KCNN3: variants seen among roughly 807,000 people sequenced by gnomAD.
KCNN3 encodes the protein small conductance calcium-activated potassium channel protein 3.
Under a neutral mutation model 62.9 loss-of-function variants are expected in KCNN3, and 16 were observed. That is an observed-to-expected ratio of 0.25 (90% CI 0.17 to 0.39). The LOEUF is 0.39. KCNN3 is among the 10% of genes least tolerant of loss of function. KCNN3 has a pLI of 1.00. For synonymous variants in KCNN3, 370 were observed against 389.2 expected, an observed-to-expected ratio of 0.95 and a Z score of 0.58; for missense variants, 599 against 949.4, an observed-to-expected ratio of 0.63 and a Z score of 4.85.
At chr1:154,739,731 G>A (rs1366881644) in intron 3 of KCNN3, among the ~76,000 whole-genome samples, 2 of 152,220 alleles carry the variant, frequency 1.3e-5, no homozygotes, top group Non-Finnish European at 2.9e-5. Context: ...CTTCTGTCTT[G>A]GGTGATCTCT....
intron 3 of KCNN3, among the ~76,000 whole-genome samples, chr1:154,743,570 G>A (rs1181116442): frequency 1.3e-5 from 2 of 152,174 alleles, no homozygotes; most frequent in Non-Finnish European, 2.9e-5. Flanking sequence ...ACTTACAATG[G>A]TGCCACTTTA....
intron 1 of KCNN3, chr1:154,868,266 C>A: frequency 1.0e-6 from 1 of 985,610 alleles, no homozygotes; most frequent in African/African-American, 1.7e-5. Flanking sequence ...ACACCTGTAG[C>A]CATTTTTATC....
In KCNN3 at chr1:154,708,050, G is replaced by C. The variant is rs967553480; in HGVS notation, c.2122C>G (p.Pro708Ala). The change falls in exon 8 of 8, where the codon CCA (proline) becomes GCA (alanine). Residue 708 changes from proline to alanine, a missense_variant. By Grantham distance (27) the Pro-to-Ala change is conservative. Transcript: ENST00000271915. ...VSVAVGTTHT[P>A]ISDSPIGVSS... ...ACCCCAATGGGGCTATCGGAGATTGGGGTGTGGGTGGTGCCCACTGCCACG... is the reference window on the plus strand; with the variant it reads ...ACCCCAATGGGGCTATCGGAGATTGCGGTGTGGGTGGTGCCCACTGCCACG... 1.2e-6 allele frequency: 2 copies of C among 1,613,350 alleles called. No individual in the cohort carries two copies. Among genetic ancestry groups the C allele is most frequent in the Admixed American group, 3.3e-5 (2 of 59,996 alleles).
intron 3 of KCNN3, among the ~76,000 whole-genome samples, chr1:154,733,627 G>A (rs534977268): frequency 3.9e-5 from 6 of 152,268 alleles, no homozygotes; most frequent in South Asian, 2.1e-4. Context: ...GGCATCTCCC[G>A]GGGGTCTGGA....
intron 2 of KCNN3, among the ~76,000 whole-genome samples, chr1:154,783,472 G>A (rs549050610): frequency 1.3e-5 from 2 of 148,304 alleles, no homozygotes; most frequent in Admixed American, 1.4e-4. Context: ...TCCTCTTCCC[G>A]CCAGTGAACA....
At chr1:154,708,340 G>T in intron 7 of KCNN3, 68 bp from the exon 8 acceptor site, 1 of 1,482,666 alleles carries the variant, frequency 6.7e-7, no homozygotes, top group Non-Finnish European at 9.4e-7. Flanking sequence ...TGCAATGGGA[G>T]AAATGAAACG....
At chr1:154,820,044 G>A (rs1228293429) in intron 2 of KCNN3, among the ~76,000 whole-genome samples, 4 of 152,340 alleles carry the variant, frequency 2.6e-5, no homozygotes, top group African/African-American at 7.2e-5. Flanking sequence ...AATTGTGTCA[G>A]GCCAAAATGA....
intron 7 of KCNN3, 63 bp from the exon 8 acceptor site, chr1:154,708,335 TG>T: frequency 6.5e-7 from 1 of 1,542,584 alleles, no homozygotes; most frequent in Non-Finnish European, 8.9e-7. Context: ...GAATCTGCAA[TG>T]GGAGAAATGA....
chr1:154,783,015 A>T (rs1003298289), intron 2 of KCNN3, among the ~76,000 whole-genome samples: 11 of 152,310 alleles, frequency 7.2e-5, no homozygotes, highest in Admixed American at 6.5e-5. Flanking sequence ...GATTGAGAAC[A>T]TCCTGGCTAA....
intron 7 of KCNN3, among the ~76,000 whole-genome samples, chr1:154,711,464 G>A (rs1700073735): frequency 6.6e-6 from 1 of 150,802 alleles, no homozygotes; most frequent in African/African-American, 2.4e-5. Flanking sequence ...TGCACATTGT[G>A]CACATGTACC....
intron 6 of KCNN3, among the ~76,000 whole-genome samples, chr1:154,714,332 G>GT (rs1700169297): frequency 1.7e-5 from 1 of 60,118 alleles, no homozygotes; most frequent in African/African-American, 6.7e-5. Context: ...GTGTGTGTGT[G>GT]GTGTTTGTGT....
At chr1:154,792,033 G>T (rs1237609818) in intron 2 of KCNN3, among the ~76,000 whole-genome samples, 4 of 152,218 alleles carry the variant, frequency 2.6e-5, no homozygotes, top group South Asian at 4.1e-4. Context: ...CAGGTGACAC[G>T]TGTTTTATGA....
At chr1:154,776,406 C>G (rs1194352520) in intron 2 of KCNN3, among the ~76,000 whole-genome samples, 1 of 151,556 alleles carries the variant, frequency 6.6e-6, no homozygotes, top group Non-Finnish European at 1.5e-5. Flanking sequence ...CACTCGTAAA[C>G]AGTGTGTGTA....
intron 2 of KCNN3, among the ~76,000 whole-genome samples, chr1:154,784,639 T>C (rs1298362520): frequency 1.3e-5 from 2 of 152,150 alleles, no homozygotes; most frequent in Non-Finnish European, 2.9e-5. Context: ...TGGAGAAGGA[T>C]GGCCAGACAG....
At chr1:154,775,433 C>G (rs1180386054) in intron 2 of KCNN3, among the ~76,000 whole-genome samples, 2 of 152,100 alleles carry the variant, frequency 1.3e-5, no homozygotes, top group Non-Finnish European at 2.9e-5. Context: ...CTCCCTGCTC[C>G]GTACCCTTAC....
At chr1:154,722,182 G>A (rs1157011523) in intron 5 of KCNN3, among the ~76,000 whole-genome samples, 1 of 152,128 alleles carries the variant, frequency 6.6e-6, no homozygotes, top group Non-Finnish European at 1.5e-5. Context: ...TATTTTCTAT[G>A]ATTAATAGCT....
intron 1 of KCNN3, chr1:154,859,653 T>C (rs565406538): frequency 8.3e-5 from 133 of 1,593,180 alleles, no homozygotes; most frequent in Non-Finnish European, 1.1e-4. Context: ...GTCATCTGCT[T>C]CCTCCTCCCT....
At chr1:154,708,984 CT>C (rs1700021248) in intron 7 of KCNN3, among the ~76,000 whole-genome samples, 1 of 152,118 alleles carries the variant, frequency 6.6e-6, no homozygotes, top group Non-Finnish European at 1.5e-5. Flanking sequence ...GGGCTGAGGT[CT>C]TTGTTGACTG....
chr1:154,828,534 T>A (rs1651239108), intron 1 of KCNN3, among the ~76,000 whole-genome samples: 1 of 152,182 alleles, frequency 6.6e-6, no homozygotes. Context: ...ACATAGGATT[T>A]GAAACCAAAA....
Sources: gnomAD v4.1 joint callset for allele counts (sites outside exome capture counted in the v4.1 genomes callset) on GRCh38, gnomAD v4.1.1 for gene constraint, MANE v1.5 for transcripts, NCBI Gene and HGNC (gene_info 2026-07-23, HGNC 2026-07-21) for gene names.